The following SPIRE1 variants were observed in gnomAD, a reference collection of about 807,000 sequenced individuals.
SPIRE1 encodes protein spire homolog 1.
SPIRE1 carries 40 observed loss-of-function variants against 94.1 expected under a neutral mutation model. The ratio of observed to expected loss-of-function variants is 0.43; its 90% CI spans 0.33 to 0.55. The LOEUF (loss-of-function observed/expected upper bound fraction) is 0.55, where lower values mean the gene tolerates loss of function less well. Among genes scored for constraint, SPIRE1 ranks in the 20% least tolerant of loss-of-function variants. SPIRE1 has a pLI of 0.06. For missense variants in SPIRE1, 838 were observed against 975.2 expected, an observed-to-expected ratio of 0.86 and a Z score of 1.87; for synonymous variants, 376 against 371.7, an observed-to-expected ratio of 1.01 and a Z score of -0.13.
intron 3 of SPIRE1, among the ~76,000 whole-genome samples, chr18:12,537,141 G>T (rs540866087): frequency 1.1e-4 from 17 of 152,278 alleles, no homozygotes; most frequent in African/African-American, 3.6e-4. Context: ...AAAGCTAAAA[G>T]CTGCTTTATC....
At chr18:12,634,841 G>A (rs1426463497) in intron 2 of SPIRE1, among the ~76,000 whole-genome samples, 1 of 151,900 alleles carries the variant, frequency 6.6e-6, no homozygotes, top group Non-Finnish European at 1.5e-5. Context: ...AGGCTGAGGC[G>A]GGAGAATCGC....
At chr18:12,597,086 G>A (rs557912580) in intron 2 of SPIRE1, among the ~76,000 whole-genome samples, 1 of 150,802 alleles carries the variant, frequency 6.6e-6, no homozygotes, top group East Asian at 2.0e-4. Flanking sequence ...TATAACCTAA[G>A]CACCCTTTCA....
At chr18:12,558,603 G>A (rs2035589087) in intron 2 of SPIRE1, among the ~76,000 whole-genome samples, 1 of 152,180 alleles carries the variant, frequency 6.6e-6, no homozygotes. Flanking sequence ...TGATTAGTCT[G>A]TTTTGACAGA....
Position 12,634,913 on chromosome 18 carries a change from C to T in SPIRE1, c.372+149G>A, listed in dbSNP as rs140269246. On this transcript the variant is annotated intron_variant, in intron 2 of 16. Transcript: ENST00000409402. Reference sequence around the variant, plus strand: ...TCGTGCCATTGTACTCCAGCCTGGGCGACAAGAGCAAAAGTCCATCTCAAA... The same window carrying T: ...TCGTGCCATTGTACTCCAGCCTGGGTGACAAGAGCAAAAGTCCATCTCAAA... 3,920 of 513,894 alleles carry T rather than the reference C, an allele frequency of 7.6e-3. 17 individuals are homozygous for T. The highest frequency in any genetic ancestry group is 0.01 in the Non-Finnish European group (2,984 of 290,510). The allele number at this position is 513,894 out of a possible 1,614,324, so 31.8% of individuals were successfully genotyped here.
chr18:12,459,809 C>T, intron 12 of SPIRE1: 3 of 985,880 alleles, frequency 3.0e-6, no homozygotes, highest in East Asian at 1.1e-4. Context: ...AATACATAGC[C>T]CCTGCTACCC....
intron 2 of SPIRE1, among the ~76,000 whole-genome samples, chr18:12,548,588 A>G (rs1271044588): frequency 1.3e-5 from 2 of 151,112 alleles, no homozygotes; most frequent in Non-Finnish European, 2.9e-5. Context: ...CTGGCACTGT[A>G]GCCATTCTTT....
chr18:12,485,890 T>C (rs570905863), intron 9 of SPIRE1, 69 bp downstream of exon 9: 1 of 1,146,254 alleles, frequency 8.7e-7, no homozygotes, highest in African/African-American at 1.6e-5. Context: ...AACAAGCAGA[T>C]GAATGAAATG....
rs553652538 is a variant in SPIRE1 at position 12,493,893 on chromosome 18, T to G, written c.1060-692A>C. ...GTTATTACTACTGTTCTTTTTTTTGTGTTTTTGTTTTGTTTTGTTTTTTGT... is the reference window on the plus strand; with the variant it reads ...GTTATTACTACTGTTCTTTTTTTTGGGTTTTTGTTTTGTTTTGTTTTTTGT... On this transcript the variant is annotated intron_variant, in intron 7 of 16. Coordinates refer to ENST00000409402, the MANE Select transcript of SPIRE1 (RefSeq NM_001128626.2). 4.6e-5 allele frequency among the ~76,000 whole-genome samples: 7 copies of G among 151,762 alleles called. No homozygotes were observed. In the South Asian group the frequency reaches 1.5e-3, roughly 32 times the overall value.
At chr18:12,591,345 A>C (rs1483135093) in intron 2 of SPIRE1, among the ~76,000 whole-genome samples, 1 of 152,236 alleles carries the variant, frequency 6.6e-6, no homozygotes, top group Non-Finnish European at 1.5e-5. Context: ...TGAACGAGAG[A>C]GAAAAAGCAT....
chr18:12,540,686 T>C (rs1292971607), intron 3 of SPIRE1, among the ~76,000 whole-genome samples: 1 of 152,224 alleles, frequency 6.6e-6, no homozygotes, highest in Non-Finnish European at 1.5e-5. Flanking sequence ...TCTCTGTTAC[T>C]TTTTAATCAC....
At chr18:12,638,566 T>A (rs2037999174) in intron 1 of SPIRE1, among the ~76,000 whole-genome samples, 1 of 152,218 alleles carries the variant, frequency 6.6e-6, no homozygotes, top group Non-Finnish European at 1.5e-5. Flanking sequence ...AGGCTCCTGA[T>A]TCCTCCTCAT....
At chr18:12,527,163 C>T (rs2034546539) in intron 4 of SPIRE1, among the ~76,000 whole-genome samples, 1 of 152,198 alleles carries the variant, frequency 6.6e-6, no homozygotes, top group African/African-American at 2.4e-5. Context: ...CCAAGCTCCT[C>T]CACTGTTTCT....
chr18:12,619,432 T>C (rs2037401019), intron 2 of SPIRE1, among the ~76,000 whole-genome samples: 1 of 151,010 alleles, frequency 6.6e-6, no homozygotes, highest in Admixed American at 6.6e-5. Context: ...GGCGTGAACC[T>C]GGGAGGCAGA....
In SPIRE1 at chr18:12,446,614, G is replaced by A. The variant is rs938874626; in HGVS notation, c.*3024C>T. ...TCACCCTGAATGCCAGCAATACCTC[G>A]ACTTTTACACACGCAGGAAGCCTAG... On this transcript the variant is annotated 3_prime_UTR_variant, in exon 17 of 17. Transcript: ENST00000409402. 6.6e-6 allele frequency: 1 copy of A among 152,064 alleles called. No individual in the cohort carries two copies. The highest frequency in any genetic ancestry group is 1.5e-5 in the Non-Finnish European group (1 of 68,014). 9.4% of individuals were successfully genotyped at this position (152,064 alleles called of 1,614,324 possible).
intron 2 of SPIRE1, among the ~76,000 whole-genome samples, chr18:12,623,228 A>C (rs2144752049): frequency 6.6e-6 from 1 of 151,808 alleles, no homozygotes; most frequent in African/African-American, 2.4e-5. Context: ...ATCTTGGCTC[A>C]CTGCAAGCTC....
intron 5 of SPIRE1, among the ~76,000 whole-genome samples, chr18:12,508,259 A>AT (rs2033906219): frequency 6.6e-6 from 1 of 152,222 alleles, no homozygotes; most frequent in South Asian, 2.1e-4. Flanking sequence ...AACTGATTAA[A>AT]TTTCTCAAAA....
chr18:12,653,955 AAAAG>A (rs201670965), intron 1 of SPIRE1, among the ~76,000 whole-genome samples: 2,289 of 151,964 alleles, frequency 0.015, 38 homozygotes, highest in Middle Eastern at 0.045. Flanking sequence ...TCAAAAAAAA[AAAAG>A]AAAGAAAGAA....
chr18:12,638,828 G>T (rs897768571), intron 1 of SPIRE1, among the ~76,000 whole-genome samples: 3 of 152,018 alleles, frequency 2.0e-5, no homozygotes, highest in African/African-American at 7.2e-5. Context: ...TCTTCCTCCT[G>T]CTCCAGCCAT....
chr18:12,527,503 G>T (rs2034556265), intron 4 of SPIRE1, among the ~76,000 whole-genome samples: 1 of 152,154 alleles, frequency 6.6e-6, no homozygotes, highest in Non-Finnish European at 1.5e-5. Flanking sequence ...TAGAGCTGCT[G>T]CAGAAGGCTT....
Sources: gnomAD v4.1 joint callset for allele counts (sites outside exome capture counted in the v4.1 genomes callset) on GRCh38, gnomAD v4.1.1 for gene constraint, MANE v1.5 for transcripts, NCBI Gene and HGNC (gene_info 2026-07-23, HGNC 2026-07-21) for gene names.